The following CEP295 variants were observed in gnomAD, a reference collection of about 807,000 sequenced individuals.
CEP295 encodes the protein centrosomal protein of 295 kDa.
CEP295 carries 190 observed loss-of-function variants against 291.6 expected under a neutral mutation model. The ratio of observed to expected loss-of-function variants is 0.65; its 90% confidence interval spans 0.58 to 0.73. The LOEUF (loss-of-function observed/expected upper bound fraction) is 0.73, where lower values mean the gene tolerates loss of function less well. Among genes scored for constraint, CEP295 ranks in the 30% least tolerant of loss-of-function variants. CEP295 has a pLI of 0.00. For synonymous variants in CEP295, 993 were observed against 1,038.8 expected, an observed-to-expected ratio of 0.96 and a Z score of 0.85; for missense variants, 2,863 against 2,949.4, an observed-to-expected ratio of 0.97 and a Z score of 0.68.
chr11:93,713,040 A>G (rs1953017431), intron 18 of CEP295, among the ~76,000 whole-genome samples: 1 of 152,022 alleles, frequency 6.6e-6, no homozygotes, highest in East Asian at 1.9e-4. Context: ...ACTGATGACA[A>G]CTTAGGAATG....
intron 18 of CEP295, 82 bp downstream of exon 18, chr11:93,706,979 T>C: frequency 8.3e-7 from 1 of 1,209,482 alleles, no homozygotes. Context: ...TTTGTAATGG[T>C]GAAAAATGGT....
chr11:93,683,341 AG>A (rs1488256090), intron 7 of CEP295, among the ~76,000 whole-genome samples: 5 of 152,194 alleles, frequency 3.3e-5, no homozygotes, highest in Admixed American at 2.6e-4. Context: ...TCTTACTACT[AG>A]GGTAGGGTTG....
rs1305510701 is a variant in CEP295 at position 93,730,062 on chromosome 11, C to T, written c.7681C>T (p.Leu2561=). Reference sequence around the variant, plus strand: ...AATTCTTTACAGGTTATACAATCAACTAGCTGAAGTGAAACAACAAAAGGA... The same window carrying T: ...AATTCTTTACAGGTTATACAATCAATTAGCTGAAGTGAAACAACAAAAGGA... ...HQRGLRLYNQ[L]AEVKQQKEEK... The change falls in exon 29 of 30, where the codon CTA becomes TTA. Residue 2561 remains leucine (L), a synonymous_variant. Coordinates refer to ENST00000325212, the MANE Select transcript of CEP295 (RefSeq NM_033395.2). 6.5e-7 allele frequency: 1 copy of T among 1,548,720 alleles called. No individual in the cohort carries two copies. The highest frequency in any genetic ancestry group is 8.7e-7 in the Non-Finnish European group (1 of 1,146,208).
intron 5 of CEP295, among the ~76,000 whole-genome samples, chr11:93,673,898 A>G (rs1950562602): frequency 6.6e-6 from 1 of 151,338 alleles, no homozygotes; most frequent in South Asian, 2.1e-4. Context: ...TACTCAGATA[A>G]TTCTGCTCAC....
intron 1 of CEP295, among the ~76,000 whole-genome samples, chr11:93,662,667 A>G (rs1950041707): frequency 6.6e-6 from 1 of 152,258 alleles, no homozygotes; most frequent in Non-Finnish European, 1.5e-5. Context: ...TTGTAGAAGG[A>G]ATAATGGAAA....
intron 7 of CEP295, among the ~76,000 whole-genome samples, chr11:93,682,036 G>A (rs1950999997): frequency 6.6e-6 from 1 of 151,906 alleles, no homozygotes; most frequent in Admixed American, 6.6e-5. Context: ...AGCTTGCAGT[G>A]AGCTAGAATA....
intron 17 of CEP295, among the ~76,000 whole-genome samples, chr11:93,705,552 A>C (rs1259685352): frequency 6.6e-6 from 1 of 152,032 alleles, no homozygotes; most frequent in African/African-American, 2.4e-5. Context: ...GTAGTTTCTA[A>C]AAGGTTACTC....
chr11:93,704,165 AAAT>A (rs1565194556), intron 17 of CEP295, among the ~76,000 whole-genome samples: 1 of 152,168 alleles, frequency 6.6e-6, no homozygotes, highest in Non-Finnish European at 1.5e-5. Context: ...AAATTTATCA[AAAT>A]AAATTATTTT....
At chr11:93,685,582 G>A (rs919044839) in intron 9 of CEP295, among the ~76,000 whole-genome samples, 2 of 152,222 alleles carry the variant, frequency 1.3e-5, no homozygotes, top group Non-Finnish European at 2.9e-5. Flanking sequence ...TTTTGACTTT[G>A]GCATAAGCTT....
At chr11:93,673,782 A>C (rs979623287) in intron 5 of CEP295, among the ~76,000 whole-genome samples, 3 of 150,850 alleles carry the variant, frequency 2.0e-5, no homozygotes, top group African/African-American at 7.3e-5. Flanking sequence ...TGTGAGCCAC[A>C]ACGCCTGGCC....
chr11:93,668,873 T>A lies in CEP295; in HGVS notation c.375T>A (p.His125Gln). ...GGAAAAGAAAAGCAGATTTGAGGCA[T>A]AAAGAAGCCTTGAAAGTACAGAAAA... ...AERKRKADLR[H>Q]KEALKVQKNQ... Residue 125 changes from histidine to glutamine, a missense_variant, in exon 4 of 30, where the codon CAT (histidine) becomes CAA (glutamine). His to Gln is a conservative substitution (Grantham distance 24). Around this residue, in one of 3 missense-constraint regions of CEP295, gnomAD observed 554 missense variants for 576.0 expected, o/e 0.96. Coordinates refer to ENST00000325212, the MANE Select transcript of CEP295 (RefSeq NM_033395.2). The A allele has an allele frequency of 6.9e-7, 1 of 1,457,156 alleles. No homozygotes were observed. The highest frequency in any genetic ancestry group is 2.5e-5 in the East Asian group (1 of 40,278). 90.3% of individuals were successfully genotyped at this position (1,457,156 alleles called of 1,614,324 possible).
intron 18 of CEP295, among the ~76,000 whole-genome samples, chr11:93,713,707 G>A (rs985661883): frequency 1.3e-5 from 2 of 151,848 alleles, no homozygotes; most frequent in South Asian, 2.1e-4. Context: ...GATATTTTTC[G>A]CTAGGTTTGG....
chr11:93,721,805 A>G (rs951792335), intron 19 of CEP295, 149 bp from the exon 20 acceptor site: 1 of 725,008 alleles, frequency 1.4e-6, no homozygotes, highest in Non-Finnish European at 2.5e-6. Flanking sequence ...CTGGGCAATG[A>G]TGAAAAGGTT....
At chr11:93,663,334 G>A (rs1950071878) in intron 1 of CEP295, among the ~76,000 whole-genome samples, 1 of 152,106 alleles carries the variant, frequency 6.6e-6, no homozygotes, top group African/African-American at 2.4e-5. Flanking sequence ...AGTCTGAGGC[G>A]CTTGTAACTT....
Position 93,723,863 on chromosome 11 carries a change from C to T in CEP295, c.6197-391C>T, listed in dbSNP as rs548543337. The T allele has an allele frequency of 1.3e-3, 206 of 161,828 alleles. 1 individual carries two copies. Among genetic ancestry groups the T allele is most frequent in the Non-Finnish European group, 2.3e-3 (174 of 75,438 alleles). The allele number at this position is 161,828 out of a possible 1,614,324, so 10.0% of individuals were successfully genotyped here. On this transcript the variant is annotated intron_variant, in intron 21 of 29. Coordinates refer to ENST00000325212, the MANE Select transcript of CEP295 (RefSeq NM_033395.2). ...GTATTTGTCAAAAGTTTGTTCATAC[C>T]TGTAATCGTAGCACTTTGGGAGGCT...
chr11:93,683,362 C>T (rs1184936553), intron 7 of CEP295, among the ~76,000 whole-genome samples, 197 bp from the exon 8 acceptor site: 2 of 152,124 alleles, frequency 1.3e-5, no homozygotes, highest in African/African-American at 4.8e-5. Flanking sequence ...GAGATTGTGT[C>T]CCTAGCACTT....
chr11:93,698,818 G>A lies in CEP295; in HGVS notation c.3906G>A (p.Ser1302=), dbSNP rs904194178. Residue 1302 remains serine (S), a synonymous_variant, in exon 15 of 30, where the codon TCG becomes TCA. Coordinates refer to ENST00000325212, the MANE Select transcript of CEP295 (RefSeq NM_033395.2). Reference sequence around the variant, plus strand: ...AGTTGGTACAGCTTTCATTTACTTCGTTAGCTTCAGCTGAGTCTGGCACAA... The same window carrying A: ...AGTTGGTACAGCTTTCATTTACTTCATTAGCTTCAGCTGAGTCTGGCACAA... ...IPQLVQLSFT[S]LASAESGTIL... is the part of the protein sequence containing the mutation. 14 of 1,551,542 alleles carry A rather than the reference G, an allele frequency of 9.0e-6. No individual in the cohort carries two copies. Among genetic ancestry groups the A allele is most frequent in the African/African-American group, 5.5e-5 (4 of 73,040 alleles).
At chr11:93,681,878 C>A (rs1950991322) in intron 7 of CEP295, among the ~76,000 whole-genome samples, 1 of 150,286 alleles carries the variant, frequency 6.7e-6, no homozygotes, top group Admixed American at 6.6e-5. Flanking sequence ...TTTTTAACCT[C>A]CCCTGCCACA....
In CEP295 at chr11:93,696,817, T is replaced by C; in HGVS notation, c.1905T>C (p.Ser635=). Residue 635 remains serine (S), a synonymous_variant, in exon 15 of 30, where the codon TCT becomes TCC. Coordinates refer to ENST00000325212, the MANE Select transcript of CEP295 (RefSeq NM_033395.2). ...DSVISVPSWK[S]ERPTAISEHW... ...TTATATCAGTGCCATCATGGAAATC[T>C]GAGAGACCGACTGCTATATCAGAGC... 2 of 1,551,724 alleles carry C rather than the reference T, an allele frequency of 1.3e-6. No homozygotes were observed. The highest frequency in any genetic ancestry group is 1.7e-6 in the Non-Finnish European group (2 of 1,147,002).
Sources: allele counts gnomAD v4.1 joint callset (sites outside exome capture counted in the v4.1 genomes callset), GRCh38; gene constraint gnomAD v4.1.1; regional missense constraint gnomAD v4.1.1; transcripts MANE v1.5; gene names NCBI Gene and HGNC (gene_info 2026-07-23, HGNC 2026-07-21).